MTOR: variants seen among roughly 807,000 people sequenced by gnomAD.
MTOR encodes mechanistic target of rapamycin kinase, also known as serine/threonine-protein kinase mTOR.
A neutral mutation model predicts 319.8 loss-of-function variants in MTOR; 70 were observed. That is an observed-to-expected ratio of 0.22 (90% CI 0.18 to 0.27). The LOEUF (loss-of-function observed/expected upper bound fraction) is 0.27. MTOR is among the 10% of genes least tolerant of loss of function. The pLI, the probability that MTOR is intolerant of heterozygous loss-of-function variation, is 1.00. For synonymous variants in MTOR, 1,183 were observed against 1,211.4 expected, an observed-to-expected ratio of 0.98 and a Z score of 0.49; for missense variants, 1,890 against 3,274.4, an observed-to-expected ratio of 0.58 and a Z score of 10.32.
intron 28 of MTOR, among the ~76,000 whole-genome samples, chr1:11,188,058 A>T (rs1645380209): frequency 6.6e-6 from 1 of 152,212 alleles, no homozygotes; most frequent in Non-Finnish European, 1.5e-5. Context: ...CCCTGACTGG[A>T]AAAGAGCTCT....
At chr1:11,117,117 T>C in intron 49 of MTOR, 31 bp from the exon 50 acceptor site, 1 of 1,524,906 alleles carries the variant, frequency 6.6e-7, no homozygotes, top group Non-Finnish European at 8.9e-7. Flanking sequence ...TGAACTACGG[T>C]TCTGGAAACT....
chr1:11,185,743 G>C (rs535945577), intron 28 of MTOR, among the ~76,000 whole-genome samples: 1 of 152,262 alleles, frequency 6.6e-6, no homozygotes, highest in African/African-American at 2.4e-5. Context: ...TTCTGTGATG[G>C]ACTTGGACTT....
intron 9 of MTOR, among the ~76,000 whole-genome samples, chr1:11,242,534 G>A (rs1428570614): frequency 7.1e-6 from 1 of 140,404 alleles, no homozygotes; most frequent in Non-Finnish European, 1.5e-5. Context: ...AAGAATGAGT[G>A]GGGCGTATTA....
chr1:11,149,647 C>T (rs756160083), intron 31 of MTOR: 37 of 153,212 alleles, frequency 2.4e-4, no homozygotes, highest in Non-Finnish European at 4.4e-4. Context: ...CAGTGAGAAA[C>T]ACAAATCACA....
intron 26 of MTOR, among the ~76,000 whole-genome samples, chr1:11,200,025 G>A (rs1357943830): frequency 6.6e-6 from 1 of 152,208 alleles, no homozygotes; most frequent in East Asian, 1.9e-4. Flanking sequence ...GGGGCGAGTG[G>A]CAGGGCGGGG....
At chr1:11,219,896 G>A (rs1646601739) in intron 19 of MTOR, among the ~76,000 whole-genome samples, 1 of 151,860 alleles carries the variant, frequency 6.6e-6, no homozygotes, top group African/African-American at 2.4e-5. Context: ...TAGCCAGCAT[G>A]GTGGTGCACG....
chr1:11,232,359 C>T, intron 16 of MTOR, 77 bp downstream of exon 16: 2 of 1,078,700 alleles, frequency 1.9e-6, no homozygotes, highest in African/African-American at 1.6e-5. Flanking sequence ...GGTGAGGACA[C>T]TAAGGTGAAT....
chr1:11,225,939 A>G (rs1173858312), intron 19 of MTOR, among the ~76,000 whole-genome samples: 1 of 152,246 alleles, frequency 6.6e-6, no homozygotes, highest in East Asian at 1.9e-4. Context: ...CAGAAAAGCT[A>G]AACAGATCTT....
rs55979697 is a variant in MTOR at position 11,199,203 on chromosome 1, G to A, written c.4253+55C>T. On this transcript the variant is annotated intron_variant, in intron 28 of 57. Coordinates refer to ENST00000361445, the MANE Select transcript of MTOR (RefSeq NM_004958.4). The surrounding 1 kb of genome is among the most constrained non-coding windows in gnomAD (Gnocchi z 4.5). Reference sequence around the variant, plus strand: ...CCAGTGAAGTGGCACCAGGCAGTGGGAGAAGAGAGGTCATTTTGCATGAAG... The same window carrying A: ...CCAGTGAAGTGGCACCAGGCAGTGGAAGAAGAGAGGTCATTTTGCATGAAG... The A allele has an allele frequency of 3.7e-6, 6 of 1,611,694 alleles. No homozygotes were observed. The highest frequency in any genetic ancestry group is 4.2e-6 in the Non-Finnish European group (5 of 1,178,060).
intron 36 of MTOR, among the ~76,000 whole-genome samples, chr1:11,137,152 TAAA>T (rs33927011): frequency 9.5e-5 from 7 of 73,350 alleles, no homozygotes; most frequent in African/African-American, 2.1e-4. Context: ...TAAATCTGAT[TAAA>T]AAAAAAAAAA....
chr1:11,133,215 A>G lies in MTOR; in HGVS notation c.5247-18T>C. 4 of 1,608,666 alleles carry G rather than the reference A, an allele frequency of 2.5e-6. No individual in the cohort carries two copies. Among genetic ancestry groups the G allele is most frequent in the African/African-American group, 1.3e-5 (1 of 74,948 alleles). ...GGAAGCATCTGGAAGCAGAGAAACAAGCCCCCATGACATTCCCTCCTCAAA... is the reference window on the plus strand; with the variant it reads ...GGAAGCATCTGGAAGCAGAGAAACAGGCCCCCATGACATTCCCTCCTCAAA... On this transcript the variant is annotated intron_variant, in intron 37 of 57. Transcript: ENST00000361445. This position sits in a 1 kb window ranked among gnomAD's most constrained non-coding sequence, Gnocchi z 4.0.
In MTOR at chr1:11,107,503, A is replaced by G. The variant is rs772723940; in HGVS notation, c.7635-3T>C. ...CCTCCAGTTACCAGAAAGGGCACCT[A>G]AGAAGGCAGAAAGAAAAGGAATATT... On this transcript the variant is annotated splice_region_variant and splice_polypyrimidine_tract_variant and intron_variant, in intron 57 of 57. Transcript: ENST00000361445. 1.9e-6 allele frequency: 3 copies of G among 1,612,946 alleles called. No individual in the cohort carries two copies. The highest frequency in any genetic ancestry group is 8.5e-7 in the Non-Finnish European group (1 of 1,179,700).
intron 9 of MTOR, among the ~76,000 whole-genome samples, 164 bp downstream of exon 9, chr1:11,242,950 A>T (rs1648277466): frequency 6.6e-6 from 1 of 152,228 alleles, no homozygotes; most frequent in South Asian, 2.1e-4. Context: ...TTCATTTGGA[A>T]AAGCTTAGAA....
At chr1:11,188,145 C>T (rs1387363110) in intron 28 of MTOR, among the ~76,000 whole-genome samples, 1 of 152,172 alleles carries the variant, frequency 6.6e-6, no homozygotes, top group Non-Finnish European at 1.5e-5. Flanking sequence ...TACAACAGTA[C>T]AAGTAACTGC....
intron 8 of MTOR, among the ~76,000 whole-genome samples, chr1:11,246,471 A>T (rs1648838218): frequency 6.6e-6 from 1 of 152,096 alleles, no homozygotes; most frequent in African/African-American, 2.4e-5. Context: ...AATACGGGTG[A>T]TTTTCCTTCT....
chr1:11,164,874 A>T (rs143298504), intron 29 of MTOR, among the ~76,000 whole-genome samples: 1,651 of 152,346 alleles, frequency 0.011, 12 homozygotes, highest in Middle Eastern at 0.024. Context: ...AACTGAATCC[A>T]GCAGCACATC....
chr1:11,256,438 C>T (rs1650411428), intron 4 of MTOR: 1 of 593,644 alleles, frequency 1.7e-6, no homozygotes, highest in South Asian at 7.5e-5. Flanking sequence ...TCTGGAAGTG[C>T]AGATGTGTTT....
At chr1:11,249,469 G>C (rs1341692036) in intron 6 of MTOR, among the ~76,000 whole-genome samples, 1 of 150,060 alleles carries the variant, frequency 6.7e-6, no homozygotes, top group Non-Finnish European at 1.5e-5. Flanking sequence ...CTCGCAGAGG[G>C]GGATTTGGCA....
At chr1:11,202,369 C>T (rs1470108191) in intron 26 of MTOR, among the ~76,000 whole-genome samples, 2 of 123,222 alleles carry the variant, frequency 1.6e-5, no homozygotes, top group African/African-American at 6.1e-5. Context: ...TGCGGTGAGC[C>T]AAGATCGCGC....
Sources: allele counts gnomAD v4.1 joint callset (sites outside exome capture counted in the v4.1 genomes callset), GRCh38; gene constraint gnomAD v4.1.1; non-coding constraint Gnocchi (gnomAD v3.1); transcripts MANE v1.5; gene names NCBI Gene and HGNC (gene_info 2026-07-23, HGNC 2026-07-21).